Variants in ZFAND6 observed in about 807,000 individuals in gnomAD.
ZFAND6 encodes AN1-type zinc finger protein 6.
Under a neutral mutation model 24.5 loss-of-function variants are expected in ZFAND6, and 12 were observed. The ratio of observed to expected loss-of-function variants is 0.49; its 90% CI spans 0.31 to 0.79. ZFAND6 has a LOEUF of 0.79. Ranked by LOEUF, ZFAND6 falls within the 30% of genes least tolerant of loss-of-function variation. ZFAND6 has a pLI of 0.04. For missense variants in ZFAND6, 207 were observed against 245.9 expected (o/e 0.84, Z 1.06); for synonymous variants, 92 against 81.5 (o/e 1.13, Z -0.69).
chr15:80,121,619 T>TG (rs540353992), intron 3 of ZFAND6, 93 bp from the exon 4 acceptor site: 1 of 1,013,740 alleles, frequency 9.9e-7, no homozygotes, highest in South Asian at 1.6e-5. Context: ...CTCTATACTG[T>TG]GTTCTGTGGA....
At chr15:80,074,924 A>G (rs565924313) in intron 1 of ZFAND6, among the ~76,000 whole-genome samples, 79 of 152,162 alleles carry the variant, frequency 5.2e-4, no homozygotes, top group African/African-American at 1.9e-3. Flanking sequence ...ATGATAAGCC[A>G]TAGGCTGGGC....
intron 1 of ZFAND6, among the ~76,000 whole-genome samples, chr15:80,070,312 T>C (rs74458312): frequency 0.013 from 2,007 of 152,320 alleles, 18 homozygotes; most frequent in Non-Finnish European, 0.02. Flanking sequence ...ACAATACATC[T>C]TTGAATACTT....
chr15:80,124,320 C>T (rs2040278731), intron 5 of ZFAND6, among the ~76,000 whole-genome samples: 1 of 151,992 alleles, frequency 6.6e-6, no homozygotes, highest in Non-Finnish European at 1.5e-5. Context: ...GTAGTCCTAG[C>T]TACTGGGGAG....
chr15:80,084,871 G>A (rs1383219782), intron 1 of ZFAND6, among the ~76,000 whole-genome samples: 1 of 152,192 alleles, frequency 6.6e-6, no homozygotes, highest in East Asian at 1.9e-4. Context: ...TGTCTCCTAA[G>A]CTGCAGTCTG....
chr15:80,137,737 C>A lies in ZFAND6; in HGVS notation c.*109C>A. The A allele has an allele frequency of 1.7e-6, 2 of 1,154,604 alleles. No individual in the cohort carries two copies. Among genetic ancestry groups the A allele is most frequent in the Non-Finnish European group, 2.3e-6 (2 of 869,750 alleles). The allele number at this position is 1,154,604 out of a possible 1,614,324, so 71.5% of individuals were successfully genotyped here. On this transcript the variant is annotated 3_prime_UTR_variant, in exon 7 of 7. Transcript: ENST00000261749. ...TAGAGCAGTGTATCTTGCATGTCAT[C>A]GGAAGAATAGATTTTTGTTTTGGTT...
chr15:80,118,434 A>G (rs1452759234), intron 2 of ZFAND6, among the ~76,000 whole-genome samples: 1 of 152,220 alleles, frequency 6.6e-6, no homozygotes, highest in Admixed American at 6.5e-5. Context: ...TACCAAAATC[A>G]GATAAACATA....
chr15:80,085,171 A>G (rs979848306), intron 1 of ZFAND6, among the ~76,000 whole-genome samples: 8 of 152,188 alleles, frequency 5.3e-5, no homozygotes, highest in Non-Finnish European at 1.2e-4. Context: ...CTCTTCTGTC[A>G]AGTATCAAGG....
chr15:80,092,533 G>A (rs1011502555), intron 1 of ZFAND6, among the ~76,000 whole-genome samples: 1 of 152,106 alleles, frequency 6.6e-6, no homozygotes, highest in African/African-American at 2.4e-5. Flanking sequence ...TGTTTTATTA[G>A]AGGGGTAGTA....
chr15:80,124,301 C>T (rs1403245221), intron 5 of ZFAND6, among the ~76,000 whole-genome samples: 5 of 151,986 alleles, frequency 3.3e-5, no homozygotes, highest in Admixed American at 6.5e-5. Flanking sequence ...GGCGTGGTGG[C>T]GGGCATCTGT....
intron 5 of ZFAND6, chr15:80,130,011 G>C (rs1045807645): frequency 6.6e-6 from 1 of 152,244 alleles, no homozygotes; most frequent in Admixed American, 6.5e-5. Context: ...AGAGAAAGAA[G>C]GATGAAGAAA....
chr15:80,062,352 A>G (rs1205717513), intron 1 of ZFAND6, among the ~76,000 whole-genome samples: 3 of 152,326 alleles, frequency 2.0e-5, no homozygotes. Context: ...ACATTTTTGG[A>G]AAAGTTGTGT....
chr15:80,104,563 C>T (rs1337133059), intron 2 of ZFAND6, among the ~76,000 whole-genome samples: 1 of 151,938 alleles, frequency 6.6e-6, no homozygotes, highest in Non-Finnish European at 1.5e-5. Context: ...ATCCATCCAT[C>T]CCAGAAACTT....
At chr15:80,102,149 T>G (rs1017247313) in intron 2 of ZFAND6, among the ~76,000 whole-genome samples, 1 of 150,686 alleles carries the variant, frequency 6.6e-6, no homozygotes, top group African/African-American at 2.4e-5. Context: ...GTTATTTTTA[T>G]TTTTCATTTT....
intron 2 of ZFAND6, among the ~76,000 whole-genome samples, chr15:80,110,657 A>G (rs2039561934): frequency 6.6e-6 from 1 of 152,170 alleles, no homozygotes; most frequent in Non-Finnish European, 1.5e-5. Context: ...ATAAACCAGT[A>G]GAATAGAATA....
At chr15:80,091,572 G>A (rs993757349) in intron 1 of ZFAND6, among the ~76,000 whole-genome samples, 3 of 151,946 alleles carry the variant, frequency 2.0e-5, no homozygotes, top group South Asian at 4.2e-4. Flanking sequence ...GTTTGCCATC[G>A]GTATCCTTGA....
intron 2 of ZFAND6, among the ~76,000 whole-genome samples, chr15:80,114,573 A>G (rs1362172769): frequency 1.3e-5 from 2 of 152,220 alleles, no homozygotes; most frequent in Non-Finnish European, 2.9e-5. Flanking sequence ...ATGGAAAATA[A>G]AAGAGGGTGA....
chr15:80,059,507 C>T (rs562238220), upstream of ZFAND6: 1 of 152,346 alleles, frequency 6.6e-6, no homozygotes, highest in South Asian at 2.1e-4. Context: ...TTGCCGTGCG[C>T]TCCGAGCCTT....
chr15:80,089,171 A>G (rs776202063), intron 1 of ZFAND6, among the ~76,000 whole-genome samples: 12 of 151,574 alleles, frequency 7.9e-5, no homozygotes, highest in South Asian at 2.1e-4. Context: ...CCAGATTGCA[A>G]TAATTCAACA....
intron 2 of ZFAND6, among the ~76,000 whole-genome samples, chr15:80,104,291 G>T (rs976031770): frequency 6.6e-6 from 1 of 152,220 alleles, no homozygotes; most frequent in African/African-American, 2.4e-5. Flanking sequence ...GGAGGCTGAG[G>T]CAAGTGGATC....
Sources: allele counts gnomAD v4.1 joint callset (sites outside exome capture counted in the v4.1 genomes callset), GRCh38; gene constraint gnomAD v4.1.1; transcripts MANE v1.5; gene names NCBI Gene and HGNC (gene_info 2026-07-23, HGNC 2026-07-21).